The following NRP2 variants were observed in gnomAD, a reference collection of about 807,000 sequenced individuals.
NRP2 encodes neuropilin-2.
NRP2 carries 52 observed loss-of-function variants against 110.4 expected under a neutral mutation model. That is an observed-to-expected ratio of 0.47 (90% CI 0.38 to 0.59). NRP2 has a LOEUF of 0.59. Ranked by LOEUF, NRP2 falls within the 20% of genes least tolerant of loss-of-function variation. The pLI, the probability that NRP2 is intolerant of heterozygous loss-of-function variation, is 0.00. For synonymous variants in NRP2, 508 were observed against 468.9 expected, an observed-to-expected ratio of 1.08 and a Z score of -1.08; for missense variants, 1,049 against 1,203.0, an observed-to-expected ratio of 0.87 and a Z score of 1.89.
intron 5 of NRP2, 144 bp downstream of exon 5, chr2:205,724,084 C>T: frequency 1.2e-6 from 1 of 850,324 alleles, no homozygotes; most frequent in Non-Finnish European, 1.9e-6. Context: ...GAGGTGCCCA[C>T]ATCCTCTTGC....
chr2:205,765,554 A>T lies in NRP2; in HGVS notation c.2388A>T (p.Pro796=). The part of the protein sequence containing the change: ...IDDIRISTDV[P]LENCMEPISA... ...ACATTCGGATAAGCACTGATGTCCC[A>T]CTGGAGAACTGCATGGGTATGTGAA... Residue 796 remains proline, a synonymous_variant, in exon 14 of 17, where the codon CCA becomes CCT. Coordinates refer to ENST00000357785, the MANE Select transcript of NRP2 (RefSeq NM_003872.3). 1 of 1,613,440 alleles carries T rather than the reference A, an allele frequency of 6.2e-7. No individual in the cohort carries two copies. Among genetic ancestry groups the T allele is most frequent in the East Asian group, 2.2e-5 (1 of 44,880 alleles).
chr2:205,738,720 C>T (rs887816990), intron 7 of NRP2, among the ~76,000 whole-genome samples: 1 of 152,166 alleles, frequency 6.6e-6, no homozygotes, highest in Non-Finnish European at 1.5e-5. Context: ...AGTTCTTTCC[C>T]GGTGCTCCCT....
intron 15 of NRP2, among the ~76,000 whole-genome samples, chr2:205,789,950 T>C (rs188663442): frequency 5.2e-4 from 79 of 152,398 alleles, no homozygotes; most frequent in Admixed American, 2.2e-3. Flanking sequence ...TGGTTTTTTG[T>C]ACAAATGTTC....
chr2:205,736,086 A>C (rs1157168396), intron 7 of NRP2, among the ~76,000 whole-genome samples: 1 of 152,210 alleles, frequency 6.6e-6, no homozygotes, highest in Non-Finnish European at 1.5e-5. Flanking sequence ...TCACACCTGT[A>C]ATCCCAGCAC....
intron 2 of NRP2, among the ~76,000 whole-genome samples, chr2:205,714,290 G>T (rs1229612559): frequency 6.6e-6 from 1 of 152,184 alleles, no homozygotes; most frequent in African/African-American, 2.4e-5. Flanking sequence ...TGGCCAAGCT[G>T]GGGTGCAAGC....
At chr2:205,712,208 A>G (rs962605077) in intron 2 of NRP2, among the ~76,000 whole-genome samples, 1 of 152,218 alleles carries the variant, frequency 6.6e-6, no homozygotes, top group African/African-American at 2.4e-5. Flanking sequence ...GAGAAAATAA[A>G]GAACTGGGAG....
intron 7 of NRP2, among the ~76,000 whole-genome samples, chr2:205,731,211 C>T (rs537638567): frequency 6.6e-6 from 1 of 152,192 alleles, no homozygotes; most frequent in Non-Finnish European, 1.5e-5. Flanking sequence ...ATCCAACCCA[C>T]GTGCTCCTTT....
At chr2:205,793,247 G>A (rs990104087) in intron 16 of NRP2, among the ~76,000 whole-genome samples, 1 of 152,200 alleles carries the variant, frequency 6.6e-6, no homozygotes, top group African/African-American at 2.4e-5. Flanking sequence ...AATGGGTAAG[G>A]AGGCAGAAAG....
chr2:205,695,041 A>G (rs1337167386), intron 1 of NRP2, among the ~76,000 whole-genome samples: 1 of 152,216 alleles, frequency 6.6e-6, no homozygotes, highest in Non-Finnish European at 1.5e-5. Context: ...TTCAATATCT[A>G]TGTTTGTGTG....
chr2:205,723,681 G>A (rs897483429), intron 4 of NRP2, 104 bp from the exon 5 acceptor site: 39 of 1,147,608 alleles, frequency 3.4e-5, no homozygotes, highest in Non-Finnish European at 4.8e-5. Context: ...GATGTACAAA[G>A]TGTGCTCCAC....
intron 2 of NRP2, among the ~76,000 whole-genome samples, chr2:205,704,097 G>A (rs531795152): frequency 5.3e-5 from 8 of 152,218 alleles, no homozygotes; most frequent in Admixed American, 1.3e-4. Context: ...CCCCCACCCC[G>A]CCGCCAGTGG....
chr2:205,735,085 C>G (rs911161518), intron 7 of NRP2, among the ~76,000 whole-genome samples: 14 of 152,186 alleles, frequency 9.2e-5, no homozygotes, highest in African/African-American at 3.4e-4. Flanking sequence ...AGCCGTGTCT[C>G]TCCTCCAAGG....
intron 10 of NRP2, 88 bp downstream of exon 10, chr2:205,745,978 G>C: frequency 6.7e-7 from 1 of 1,483,870 alleles, no homozygotes; most frequent in Non-Finnish European, 9.4e-7. Context: ...GCTGTGGAGG[G>C]GGCAGCCATC....
At chr2:205,723,004 T>C (rs1326917770) in intron 4 of NRP2, among the ~76,000 whole-genome samples, 16 of 152,158 alleles carry the variant, frequency 1.1e-4, no homozygotes. Flanking sequence ...AGAAGGTGGC[T>C]CAGTGGCTAA....
intron 15 of NRP2, chr2:205,777,874 C>T (rs936134864): frequency 1.3e-5 from 2 of 152,170 alleles, no homozygotes; most frequent in African/African-American, 4.8e-5. Flanking sequence ...CAAATAGACC[C>T]TTGTAGGCTG....
intron 1 of NRP2, among the ~76,000 whole-genome samples, chr2:205,695,724 CT>C (rs2056410266): frequency 6.6e-6 from 1 of 152,164 alleles, no homozygotes; most frequent in African/African-American, 2.4e-5. Context: ...AGCTGGTGAT[CT>C]ATGTCCTCAC....
intron 2 of NRP2, among the ~76,000 whole-genome samples, chr2:205,709,630 G>A (rs2056758108): frequency 6.6e-6 from 1 of 152,114 alleles, no homozygotes. Flanking sequence ...CACCCTCTTA[G>A]GTATGTTTCC....
intron 12 of NRP2, among the ~76,000 whole-genome samples, chr2:205,754,557 TC>T (rs1487155560): frequency 9.9e-5 from 15 of 152,212 alleles, no homozygotes; most frequent in African/African-American, 3.6e-4. Flanking sequence ...CCTTCTCTGT[TC>T]ACTGCAATAA....
chr2:205,764,165 A>C (rs969067298), intron 13 of NRP2, among the ~76,000 whole-genome samples: 1 of 152,152 alleles, frequency 6.6e-6, no homozygotes, highest in African/African-American at 2.4e-5. Context: ...AATCTTCTCC[A>C]ACAAATGTTT....
Sources: allele counts gnomAD v4.1 joint callset (sites outside exome capture counted in the v4.1 genomes callset), GRCh38; gene constraint gnomAD v4.1.1; transcripts MANE v1.5; gene names NCBI Gene and HGNC (gene_info 2026-07-23, HGNC 2026-07-21).